Variants in TINCR observed in about 807,000 individuals in gnomAD.
The protein encoded by TINCR is TINCR ubiquitin domain containing, also known as TINCR-encoded ubiquitin-like protein.
Position 5,565,371 on chromosome 19 carries a change from C to T in TINCR, c.260+2294G>A, listed in dbSNP as rs1286588560. ...ATCCCTCTCCACCTTCCCTGCATCCCCCACAGCGCCAATTGCGAGTTGACA... is the reference window on the plus strand; with the variant it reads ...ATCCCTCTCCACCTTCCCTGCATCCTCCACAGCGCCAATTGCGAGTTGACA... On this transcript the variant is annotated intron_variant, in intron 1 of 1. Transcript: ENST00000646160. This position sits in a 1 kb window ranked among gnomAD's most constrained non-coding sequence, Gnocchi z 4.0. Among the ~76,000 whole-genome samples the T allele has an allele frequency of 1.3e-5, 2 of 152,202 alleles. No homozygotes were observed. Among genetic ancestry groups the T allele is most frequent in the East Asian group, 3.9e-4 (2 of 5,188 alleles).
At chr19:5,567,710 G>A (rs2052139037) in exon 1 of TINCR, 3 of 368,970 alleles carry the variant, frequency 8.1e-6, no homozygotes, top group African/African-American at 4.3e-5. Context: ...CTGCAGGCGC[G>A]CGTCGCGCAC....
downstream of TINCR, chr19:5,561,766 A>G (rs1484115914): frequency 6.6e-6 from 1 of 152,136 alleles, no homozygotes; most frequent in Non-Finnish European, 1.5e-5. Context: ...TTGCAGGCAA[A>G]GAGTGCAGTA....
intron 1 of TINCR, 39 bp downstream of exon 1, chr19:5,567,626 G>GCCCCCCCCCCC: frequency 9.9e-6 from 2 of 202,442 alleles, no homozygotes; most frequent in Admixed American, 6.1e-5. Flanking sequence ...GTCCCCGGCC[G>GCCCCCCCCCCC]CCGCCCCCGC....
chr19:5,566,691 G>C (rs1159583903), intron 1 of TINCR, among the ~76,000 whole-genome samples: 1 of 151,344 alleles, frequency 6.6e-6, no homozygotes, highest in African/African-American at 2.4e-5. Flanking sequence ...GAGAAAAACA[G>C]AGACAAAAAT....
rs1041535910 is a variant in TINCR at position 5,562,715 on chromosome 19, G to A, written c.*132C>T. ...CACCCAGACTAGAGTGTAATGGCAC[G>A]ATCTCAGCTCACTGCAACCTCCGCC... On this transcript the variant is annotated 3_prime_UTR_variant, in exon 2 of 2. Coordinates refer to ENST00000646160, the Ensembl canonical transcript of TINCR. The surrounding 1 kb of genome is among the most constrained non-coding windows in gnomAD (Gnocchi z 4.4). 9 of 152,194 alleles carry A rather than the reference G, an allele frequency of 5.9e-5. No homozygotes were observed. The highest frequency in any genetic ancestry group is 2.2e-4 in the African/African-American group (9 of 41,444). 9.4% of individuals were successfully genotyped at this position (152,194 alleles called of 1,614,324 possible).
chr19:5,567,605 G>C (rs1197649159), intron 1 of TINCR, 60 bp downstream of exon 1: 1 of 372,350 alleles, frequency 2.7e-6, no homozygotes, highest in Non-Finnish European at 4.8e-6. Flanking sequence ...CTCCCCCGCC[G>C]CTCTCCAGGG....
chr19:5,566,105 C>T (rs926514552), intron 1 of TINCR, among the ~76,000 whole-genome samples: 4 of 152,052 alleles, frequency 2.6e-5, no homozygotes, highest in African/African-American at 4.8e-5. Context: ...GTGTGGGTAA[C>T]GGACACTGGA....
chr19:5,564,258 C>T (rs532713402), intron 1 of TINCR, among the ~76,000 whole-genome samples: 1 of 152,274 alleles, frequency 6.6e-6, no homozygotes, highest in African/African-American at 2.4e-5. Context: ...GCTGACAGGT[C>T]CCAAGTGTTT....
chr19:5,564,428 C>T lies in TINCR; in HGVS notation c.261-1479G>A, dbSNP rs529910482. Among the ~76,000 whole-genome samples the T allele has an allele frequency of 1.2e-3, 177 of 152,230 alleles. 1 individual carries two copies. Among genetic ancestry groups the T allele is most frequent in the Non-Finnish European group, 1.8e-3 (120 of 68,012 alleles). Reference sequence around the variant, plus strand: ...GGGTTAGCTGCCTCGGGACACACAGCCAGTGAACAGCAAAGGCAGATAGGG... The same window carrying T: ...GGGTTAGCTGCCTCGGGACACACAGTCAGTGAACAGCAAAGGCAGATAGGG... On this transcript the variant is annotated intron_variant, in intron 1 of 1. Transcript: ENST00000646160.
In TINCR at chr19:5,567,649, C is replaced by CCCCCCCCCCCCCCCCCCCAGGGGGGGGG; in HGVS notation, c.260+15_260+16insCCCCCCCCCTGGGGGGGGGGGGGGGGGG. 1 of 350,314 alleles carries CCCCCCCCCCCCCCCCCCCAGGGGGGGGG rather than the reference C, an allele frequency of 2.9e-6. No homozygotes were observed. Among genetic ancestry groups the CCCCCCCCCCCCCCCCCCCAGGGGGGGGG allele is most frequent in the Non-Finnish European group, 5.1e-6 (1 of 196,748 alleles). The allele number at this position is 350,314 out of a possible 1,614,324, so 21.7% of individuals were successfully genotyped here. A position where few individuals can be genotyped will look rare whatever the true frequency, so the allele number is the denominator to read the frequency against. On this transcript the variant is annotated intron_variant, in intron 1 of 1. Coordinates refer to ENST00000646160, the Ensembl canonical transcript of TINCR. ...CCGCCGCCCCCGCCCCACCCCACCC[C>CCCCCCCCCCCCCCCCCCCAGGGGGGGGG]GAGCCCCGCGGCCACCTGGGGTCGC...
intron 1 of TINCR, among the ~76,000 whole-genome samples, chr19:5,564,937 AC>A (rs2052120472): frequency 6.6e-6 from 1 of 151,664 alleles, no homozygotes; most frequent in South Asian, 2.1e-4. Context: ...CTGGGACCTC[AC>A]CCTGGTCTCC....
At chr19:5,566,669 TACACAG>T (rs1305021640) in intron 1 of TINCR, among the ~76,000 whole-genome samples, 1 of 140,626 alleles carries the variant, frequency 7.1e-6, no homozygotes, top group Non-Finnish European at 1.5e-5. Context: ...GACACACACA[TACACAG>T]ACACAGAGAA....
At chr19:5,564,151 A>G (rs1324574221) in intron 1 of TINCR, among the ~76,000 whole-genome samples, 1 of 151,904 alleles carries the variant, frequency 6.6e-6, no homozygotes, top group Non-Finnish European at 1.5e-5. Flanking sequence ...TGGGGGAGGG[A>G]GAAGAGGGGG....
intron 1 of TINCR, 61 bp downstream of exon 1, chr19:5,567,604 C>A: frequency 2.7e-6 from 1 of 373,680 alleles, no homozygotes; most frequent in South Asian, 1.3e-4. Context: ...CCTCCCCCGC[C>A]GCTCTCCAGG....
intron 1 of TINCR, among the ~76,000 whole-genome samples, chr19:5,566,661 C>T (rs1298301940): frequency 1.9e-4 from 28 of 150,930 alleles, no homozygotes; most frequent in Non-Finnish European, 1.5e-4. Context: ...GAGAGAGAGA[C>T]ACACACATAC....
At chr19:5,562,126 CA>C (rs1473944964), downstream of TINCR, 1 of 152,674 alleles carries the variant, frequency 6.5e-6, no homozygotes, top group Non-Finnish European at 1.5e-5. This position sits in a 1 kb window ranked among gnomAD's most constrained non-coding sequence, Gnocchi z 4.4. Flanking sequence ...AAGTGCCTTC[CA>C]AAAGTGCCCT....
rs892902184 is a variant in TINCR at position 5,565,931 on chromosome 19, G to A, written c.260+1734C>T. ...GGCCCCACCATCTTCACCACCTCTC[G>A]GCCATCCTCGACCCATTTCCCAGAG... On this transcript the variant is annotated intron_variant, in intron 1 of 1. Transcript: ENST00000646160. The surrounding 1 kb of genome is among the most constrained non-coding windows in gnomAD (Gnocchi z 4.0). 6.6e-6 allele frequency among the ~76,000 whole-genome samples: 1 copy of A among 152,182 alleles called. No homozygotes were observed. The highest frequency in any genetic ancestry group is 2.4e-5 in the African/African-American group (1 of 41,446).
downstream of TINCR, chr19:5,561,053 G>A (rs1229975434): frequency 6.5e-6 from 1 of 154,216 alleles, no homozygotes; most frequent in Non-Finnish European, 1.5e-5. Flanking sequence ...TTGGGCAAAG[G>A]TGTGGCTGGG....
chr19:5,566,427 G>C (rs561502682), intron 1 of TINCR, among the ~76,000 whole-genome samples: 2 of 151,864 alleles, frequency 1.3e-5, no homozygotes, highest in Non-Finnish European at 2.9e-5. Flanking sequence ...CAGAGAAAGA[G>C]AGACAGAAAT....
Sources: gnomAD v4.1 joint callset for allele counts (sites outside exome capture counted in the v4.1 genomes callset) on GRCh38, gnomAD v4.1.1 for gene constraint, Gnocchi (gnomAD v3.1) non-coding constraint, MANE v1.5 for transcripts, NCBI Gene and HGNC (gene_info 2026-07-23, HGNC 2026-07-21) for gene names.